The following VAV2 variants were observed in gnomAD, a reference collection of about 807,000 sequenced individuals.
The protein encoded by VAV2 is guanine nucleotide exchange factor VAV2.
A neutral mutation model predicts 132.5 loss-of-function variants in VAV2; 67 were observed. The observed-to-expected ratio is 0.51, with a 90% CI of 0.42 to 0.62. The LOEUF is 0.62. VAV2 is among the 20% of genes least tolerant of loss of function. The probability of loss-of-function intolerance (pLI) is 0.00; values close to 1 mark genes in which losing one functional copy is unlikely to be tolerated. For missense variants in VAV2, 938 were observed against 1,153.6 expected (o/e 0.81, Z 2.71); for synonymous variants, 492 against 443.5 (o/e 1.11, Z -1.37).
In VAV2 at chr9:133,962,072, G is replaced by A. The variant is rs1353021767; in HGVS notation, c.205-22853C>T. On this transcript the variant is annotated intron_variant, in intron 1 of 29. Coordinates refer to ENST00000371850, the MANE Select transcript of VAV2 (RefSeq NM_001134398.2). ...TGACATAGCAAAGCCAGCTGGCTCA[G>A]CACTGGGGGTGGAGGGAATGAGCAG... Among the ~76,000 whole-genome samples, 4 of 152,298 alleles carry A rather than the reference G, an allele frequency of 2.6e-5. No individual in the cohort carries two copies. The East Asian group carries it at 5.8e-4, about 22-fold the overall frequency.
At chr9:133,843,104 T>C (rs750037433) in intron 3 of VAV2, among the ~76,000 whole-genome samples, 35 of 152,188 alleles carry the variant, frequency 2.3e-4, no homozygotes, top group Non-Finnish European at 4.4e-4. Flanking sequence ...AGCAGGGCTA[T>C]CACAATGGGA....
chr9:133,818,096 G>A (rs559589786), intron 4 of VAV2, among the ~76,000 whole-genome samples: 5 of 152,286 alleles, frequency 3.3e-5, no homozygotes, highest in African/African-American at 7.2e-5. Flanking sequence ...CGGGCGCGGC[G>A]GCTCACGCCT....
intron 1 of VAV2, among the ~76,000 whole-genome samples, chr9:133,970,921 C>T (rs976833091): frequency 2.0e-5 from 3 of 152,210 alleles, no homozygotes; most frequent in Admixed American, 2.0e-4. Context: ...ACAAAATACA[C>T]CCAAAGAGAT....
chr9:133,842,943 G>A (rs1292217940), intron 3 of VAV2, among the ~76,000 whole-genome samples: 1 of 152,242 alleles, frequency 6.6e-6, no homozygotes, highest in Non-Finnish European at 1.5e-5. Context: ...TATTGAGGGA[G>A]TCACCTGGGT....
intron 2 of VAV2, among the ~76,000 whole-genome samples, chr9:133,866,666 C>T (rs1269609855): frequency 6.6e-6 from 1 of 152,046 alleles, no homozygotes; most frequent in Non-Finnish European, 1.5e-5. Context: ...ATTAGCCGGG[C>T]GTGGTGGCAC....
chr9:133,903,682 T>A (rs1839531912), intron 2 of VAV2, among the ~76,000 whole-genome samples: 1 of 152,164 alleles, frequency 6.6e-6, no homozygotes, highest in South Asian at 2.1e-4. Context: ...GGTCTACCCC[T>A]GCTCCTAGGG....
chr9:133,990,065 G>T (rs1842968784), intron 1 of VAV2, among the ~76,000 whole-genome samples: 1 of 152,238 alleles, frequency 6.6e-6, no homozygotes, highest in African/African-American at 2.4e-5. Flanking sequence ...TGCTATGACT[G>T]TTCTCATGAC....
At chr9:133,914,884 G>T (rs545587500) in intron 2 of VAV2, among the ~76,000 whole-genome samples, 1 of 152,202 alleles carries the variant, frequency 6.6e-6, no homozygotes, top group African/African-American at 2.4e-5. Flanking sequence ...ACAAAGTGGA[G>T]AGGGAGGTTT....
intron 3 of VAV2, among the ~76,000 whole-genome samples, chr9:133,854,098 C>T (rs1295505189): frequency 6.6e-6 from 1 of 151,456 alleles, no homozygotes; most frequent in Non-Finnish European, 1.5e-5. Flanking sequence ...CCCATCTGCA[C>T]ATGCACACAC....
At chr9:133,958,205 TGAG>T (rs1841851730) in intron 1 of VAV2, among the ~76,000 whole-genome samples, 1 of 126,886 alleles carries the variant, frequency 7.9e-6, no homozygotes, top group African/African-American at 2.7e-5. Context: ...GGGTCTGTGC[TGAG>T]GAGGATTAGT....
At chr9:133,861,312 G>A in intron 3 of VAV2, 62 bp downstream of exon 3, 2 of 1,534,980 alleles carry the variant, frequency 1.3e-6, no homozygotes, top group East Asian at 2.4e-5. Flanking sequence ...CTGTGACAAG[G>A]CACGCTGGTG....
intron 1 of VAV2, among the ~76,000 whole-genome samples, chr9:133,954,823 AGT>A (rs1019857550): frequency 1.1e-4 from 17 of 152,156 alleles, no homozygotes; most frequent in Admixed American, 5.9e-4. Context: ...ATGTATGTGC[AGT>A]GTGTGTCTGC....
intron 12 of VAV2, among the ~76,000 whole-genome samples, chr9:133,792,857 GTGA>G (rs1295779442): frequency 2.0e-5 from 3 of 152,104 alleles, no homozygotes; most frequent in Non-Finnish European, 4.4e-5. Flanking sequence ...CACCTCGTCA[GTGA>G]TGATGCCAAG....
chr9:133,989,521 A>G (rs1231366606), intron 1 of VAV2, among the ~76,000 whole-genome samples: 1 of 141,824 alleles, frequency 7.1e-6, no homozygotes, highest in African/African-American at 2.7e-5. Context: ...CTCTATCTCA[A>G]AAAAAAAAAA....
chr9:133,791,920 T>C (rs530373308), intron 12 of VAV2, 51 bp from the exon 13 acceptor site: 2 of 1,441,380 alleles, frequency 1.4e-6, no homozygotes, highest in Non-Finnish European at 1.9e-6. Flanking sequence ...GGGGTGTGTG[T>C]GACTGTGTGT....
chr9:133,856,845 C>T (rs1188214210), intron 3 of VAV2, among the ~76,000 whole-genome samples: 1 of 152,206 alleles, frequency 6.6e-6, no homozygotes, highest in African/African-American at 2.4e-5. Flanking sequence ...TCCTGCGTCC[C>T]TCTTAAAATT....
At chr9:133,858,210 A>T (rs896820097) in intron 3 of VAV2, among the ~76,000 whole-genome samples, 6 of 152,244 alleles carry the variant, frequency 3.9e-5, no homozygotes, top group Admixed American at 6.5e-5. Context: ...GTATGCTCAC[A>T]ATGTGGTTTA....
chr9:133,763,165 G>A lies in VAV2; in HGVS notation c.*897C>T, dbSNP rs189662051. 3.3e-5 allele frequency: 5 copies of A among 152,614 alleles called. No individual in the cohort carries two copies. In the East Asian group the frequency reaches 7.7e-4, roughly 24 times the overall value. The allele number at this position is 152,614 out of a possible 1,614,324, so 9.5% of individuals were successfully genotyped here. On this transcript the variant is annotated 3_prime_UTR_variant, in exon 30 of 30. Coordinates refer to ENST00000371850, the MANE Select transcript of VAV2 (RefSeq NM_001134398.2). This position sits in a 1 kb window ranked among gnomAD's most constrained non-coding sequence, Gnocchi z 6.8. ...GGGACCACCCTTCAGGAGAGCAGAG[G>A]GGCCTCCTGGAGAGGGACCTGGCAG...
At chr9:133,950,906 T>C (rs929140478) in intron 1 of VAV2, among the ~76,000 whole-genome samples, 10 of 152,212 alleles carry the variant, frequency 6.6e-5, no homozygotes, top group Admixed American at 5.2e-4. Flanking sequence ...TCCAGCGCAA[T>C]TGGACAATCC....
Sources: allele counts gnomAD v4.1 joint callset (sites outside exome capture counted in the v4.1 genomes callset), GRCh38; gene constraint gnomAD v4.1.1; non-coding constraint Gnocchi (gnomAD v3.1); transcripts MANE v1.5; gene names NCBI Gene and HGNC (gene_info 2026-07-23, HGNC 2026-07-21).